The following SBSPON variants were observed in gnomAD, a reference collection of about 807,000 sequenced individuals.
SBSPON encodes somatomedin-B and thrombospondin type-1 domain-containing protein.
SBSPON carries 30 observed loss-of-function variants against 35.8 expected under a neutral mutation model. The ratio of observed to expected loss-of-function variants is 0.84; its 90% confidence interval spans 0.63 to 1.14. The LOEUF (loss-of-function observed/expected upper bound fraction) is 1.14, where lower values mean the gene tolerates loss of function less well. SBSPON is among the 50% of genes most tolerant of loss of function. SBSPON has a pLI of 0.00. For missense variants in SBSPON, 364 were observed against 357.7 expected, an observed-to-expected ratio of 1.02 and a Z score of -0.14; for synonymous variants, 136 against 135.9, an observed-to-expected ratio of 1.00 and a Z score of 0.00.
At chr8:73,082,720 C>T (rs561756268) in intron 1 of SBSPON, among the ~76,000 whole-genome samples, 2 of 152,264 alleles carry the variant, frequency 1.3e-5, no homozygotes, top group African/African-American at 4.8e-5. Flanking sequence ...TTAGCCCTTC[C>T]CTTTTTATTT....
At chr8:73,084,162 G>A (rs944919896) in intron 1 of SBSPON, among the ~76,000 whole-genome samples, 3 of 152,216 alleles carry the variant, frequency 2.0e-5, no homozygotes, top group Admixed American at 6.5e-5. Flanking sequence ...TGTAGATTCA[G>A]AGTGCAAGAA....
rs770585698 is a variant in SBSPON, at chr8:73,069,767, G to C, written c.677+38C>G. 1.9e-6 allele frequency: 3 copies of C among 1,550,310 alleles called. No individual in the cohort carries two copies. The South Asian group carries it at 3.4e-5, about 17-fold the overall frequency. On this transcript the variant is annotated intron_variant, in intron 4 of 4. Coordinates refer to ENST00000297354, the MANE Select transcript of SBSPON (RefSeq NM_153225.4). ...GGAGAGGACAGATTTCTCAGAATGA[G>C]TGACAAGAAAAGTACTTCAGTTAAT...
chr8:73,076,296 G>C (rs185049990), intron 2 of SBSPON, among the ~76,000 whole-genome samples: 65 of 152,224 alleles, frequency 4.3e-4, no homozygotes, highest in African/African-American at 1.5e-3. Context: ...CTGATCCCCA[G>C]AATCTGTGAA....
At chr8:73,089,340 G>C (rs1201826286) in intron 1 of SBSPON, among the ~76,000 whole-genome samples, 1 of 152,132 alleles carries the variant, frequency 6.6e-6, no homozygotes. Context: ...GATCACTTGA[G>C]GTCAGGAGAT....
chr8:73,076,894 A>G (rs897353372), intron 2 of SBSPON, among the ~76,000 whole-genome samples: 2 of 152,032 alleles, frequency 1.3e-5, no homozygotes, highest in Non-Finnish European at 2.9e-5. Flanking sequence ...TAAGATCATA[A>G]ATCTGTGGGG....
At chr8:73,072,803 G>A (rs1403649198) in intron 2 of SBSPON, among the ~76,000 whole-genome samples, 4 of 152,120 alleles carry the variant, frequency 2.6e-5, no homozygotes, top group East Asian at 3.9e-4. Context: ...GTGCCAGCCT[G>A]CACAGCATTG....
At chr8:73,077,034 G>T (rs571856432) in intron 2 of SBSPON, among the ~76,000 whole-genome samples, 6 of 152,162 alleles carry the variant, frequency 3.9e-5, no homozygotes, top group Non-Finnish European at 8.8e-5. Flanking sequence ...AGCCTCCCAA[G>T]TAGGTAAGAT....
At position 73,066,734 on chromosome 8, in the gene SBSPON, A is replaced by C. The variant is rs940231881; in HGVS notation, c.*607T>G. 4 of 152,214 alleles carry C rather than the reference A, an allele frequency of 2.6e-5. No homozygotes were observed. Among genetic ancestry groups the C allele is most frequent in the African/African-American group, 9.6e-5 (4 of 41,468 alleles). The allele number at this position is 152,214 out of a possible 1,614,324, so 9.4% of individuals were successfully genotyped here. On this transcript the variant is annotated 3_prime_UTR_variant, in exon 5 of 5. Coordinates refer to ENST00000297354, the MANE Select transcript of SBSPON (RefSeq NM_153225.4). ...TGATCCTTTCACTTCTTAAGCAAAA[A>C]AAAAATTTCTTCTTCAAAAAATGTT...
chr8:73,064,682 C>T lies in SBSPON; in HGVS notation c.*2659G>A, dbSNP rs1412728664. ...GGTTTATGCTTAATTGTAACATTCT[C>T]GAATAAAAACCAAAGCAAAACTCCA... On this transcript the variant is annotated 3_prime_UTR_variant, in exon 5 of 5. Coordinates refer to ENST00000297354, the MANE Select transcript of SBSPON (RefSeq NM_153225.4). 9 of 152,118 alleles carry T rather than the reference C, an allele frequency of 5.9e-5. No individual in the cohort carries two copies. Among genetic ancestry groups the T allele is most frequent in the Non-Finnish European group, 7.4e-5 (5 of 68,022 alleles). The allele number at this position is 152,118 out of a possible 1,614,324, so 9.4% of individuals were successfully genotyped here. A position where few individuals can be genotyped will look rare whatever the true frequency, so the allele number is the denominator to read the frequency against.
intron 1 of SBSPON, 110 bp downstream of exon 1, chr8:73,092,744 G>C: frequency 1.3e-6 from 1 of 795,226 alleles, no homozygotes; most frequent in Admixed American, 2.3e-5. Flanking sequence ...GGGATAAAGG[G>C]TCTGGAGGAC....
At chr8:73,092,770 T>C in intron 1 of SBSPON, 84 bp downstream of exon 1, 1 of 1,060,754 alleles carries the variant, frequency 9.4e-7, no homozygotes. Flanking sequence ...GCTCAGGGAC[T>C]GAGGTCCTTG....
intron 1 of SBSPON, among the ~76,000 whole-genome samples, chr8:73,085,154 T>A (rs962690560): frequency 6.6e-6 from 1 of 152,098 alleles, no homozygotes; most frequent in Non-Finnish European, 1.5e-5. Flanking sequence ...CCCATGGGAA[T>A]TCTTAGCCTG....
chr8:73,070,028 CCTAA>C (rs1810463679), intron 3 of SBSPON, 47 bp from the exon 4 acceptor site: 1 of 1,275,652 alleles, frequency 7.8e-7, no homozygotes, highest in Admixed American at 2.4e-5. Context: ...TGAGCAGTGG[CCTAA>C]AGCTGTAGAA....
At chr8:73,090,078 A>G (rs1016918057) in intron 1 of SBSPON, among the ~76,000 whole-genome samples, 2 of 152,172 alleles carry the variant, frequency 1.3e-5, no homozygotes, top group East Asian at 1.9e-4. Flanking sequence ...GGGTTTCGCC[A>G]TGTTGGCCAG....
chr8:73,075,868 A>T, intron 2 of SBSPON: 1 of 305,048 alleles, frequency 3.3e-6, no homozygotes, highest in Non-Finnish European at 4.8e-6. Flanking sequence ...ACAATTGTCA[A>T]TGATGTGCAA....
chr8:73,082,926 GA>G (rs1252832627), intron 1 of SBSPON, among the ~76,000 whole-genome samples: 1 of 152,122 alleles, frequency 6.6e-6, no homozygotes, highest in African/African-American at 2.4e-5. Flanking sequence ...TGCATAAAAA[GA>G]ATGCACTTGT....
At chr8:73,077,238 G>A (rs1285012868) in intron 2 of SBSPON, among the ~76,000 whole-genome samples, 2 of 152,174 alleles carry the variant, frequency 1.3e-5, no homozygotes. Flanking sequence ...CTAAATTTGG[G>A]GTAATCTGTA....
chr8:73,092,801 C>T (rs1810960383), intron 1 of SBSPON, 53 bp downstream of exon 1: 1 of 1,436,246 alleles, frequency 7.0e-7, no homozygotes, highest in Non-Finnish European at 9.7e-7. Context: ...CTGCCCTGTG[C>T]CCGTTGGTTG....
chr8:73,073,361 A>T (rs1586091246), intron 2 of SBSPON, among the ~76,000 whole-genome samples: 2 of 152,382 alleles, frequency 1.3e-5, no homozygotes, highest in East Asian at 3.9e-4. Context: ...CATCATCAAC[A>T]TGAACTCAAC....
Sources: allele counts gnomAD v4.1 joint callset (sites outside exome capture counted in the v4.1 genomes callset), GRCh38; gene constraint gnomAD v4.1.1; transcripts MANE v1.5; gene names NCBI Gene and HGNC (gene_info 2026-07-23, HGNC 2026-07-21).